FOCAD: variants seen among roughly 807,000 people sequenced by gnomAD.
FOCAD encodes the protein focadhesin, also known as KIAA1797.
A neutral mutation model predicts 225.6 loss-of-function variants in FOCAD; 198 were observed. The observed-to-expected ratio is 0.88, with a 90% CI of 0.78 to 0.99. The LOEUF is 0.99. Among genes scored for constraint, FOCAD ranks in the 50% least tolerant of loss-of-function variants. The pLI, the probability that FOCAD is intolerant of heterozygous loss-of-function variation, is 0.00. For synonymous variants in FOCAD, 897 were observed against 755.0 expected, an observed-to-expected ratio of 1.19 and a Z score of -3.08; for missense variants, 2,713 against 2,123.6, an observed-to-expected ratio of 1.28 and a Z score of -5.46.
At chr9:20,804,217 A>G (rs920567023) in intron 11 of FOCAD, among the ~76,000 whole-genome samples, 1 of 152,108 alleles carries the variant, frequency 6.6e-6, no homozygotes, top group Non-Finnish European at 1.5e-5. Context: ...TGTCTTTACC[A>G]TTAATGATAA....
In FOCAD at chr9:20,720,495, A is replaced by G. The variant is rs776606623; in HGVS notation, c.248A>G (p.Tyr83Cys). 53 of 1,613,956 alleles carry G rather than the reference A, an allele frequency of 3.3e-5. No homozygotes were observed. The highest frequency in any genetic ancestry group is 2.9e-4 in the East Asian group (13 of 44,890). ...LVAQDHAEFS[Y>C]VLNGILNLIP... is the part of the protein sequence containing the mutation. The stretch of plus-strand genomic sequence containing the variant: ...GCTCAGGATCATGCAGAGTTCAGCT[A>G]TGTTCTCAATGGGATACTCAACTTG... Residue 83 changes from tyrosine (Y) to cysteine (C), a missense_variant, in exon 4 of 44, where the codon TAT (tyrosine) becomes TGT (cysteine). Coordinates refer to ENST00000338382, the MANE Select transcript of FOCAD (RefSeq NM_001375567.1).
chr9:20,691,229 C>T (rs1446709900), intron 1 of FOCAD, among the ~76,000 whole-genome samples: 1 of 152,164 alleles, frequency 6.6e-6, no homozygotes, highest in Non-Finnish European at 1.5e-5. Context: ...AGGTGTGAGC[C>T]ATAGTGCTGG....
intron 11 of FOCAD, among the ~76,000 whole-genome samples, chr9:20,815,123 G>GTGGTTTTTTTT (rs1564024181): frequency 3.5e-5 from 3 of 85,396 alleles, no homozygotes; most frequent in African/African-American, 4.7e-5. Context: ...ACTTCTCTTT[G>GTGGTTTTTTTT]TTTTTTTTTT....
intron 35 of FOCAD, among the ~76,000 whole-genome samples, chr9:20,964,843 G>C (rs1839114713): frequency 6.6e-6 from 1 of 152,108 alleles, no homozygotes; most frequent in Admixed American, 6.5e-5. Context: ...TTTCAACAAA[G>C]TGAAAGAGTG....
intron 2 of FOCAD, among the ~76,000 whole-genome samples, chr9:20,659,502 G>A (rs1382835472): frequency 6.7e-6 from 1 of 150,046 alleles, no homozygotes. Flanking sequence ...TTTGGCCAAA[G>A]AGACACCCAG....
chr9:20,812,895 A>G (rs896554950), intron 11 of FOCAD, among the ~76,000 whole-genome samples: 1 of 152,296 alleles, frequency 6.6e-6, no homozygotes, highest in South Asian at 2.1e-4. Context: ...CATGAAATCT[A>G]CCTTAAAAAA....
At chr9:20,928,324 C>T (rs9406776) in intron 26 of FOCAD, among the ~76,000 whole-genome samples, 51,070 of 152,016 alleles carry the variant, frequency 0.34, 8,986 homozygotes, top group East Asian at 0.42. Flanking sequence ...TTTTGAGTAA[C>T]ATTATCATTA....
chr9:20,794,007 T>G (rs1312550362), intron 11 of FOCAD, among the ~76,000 whole-genome samples: 1 of 152,166 alleles, frequency 6.6e-6, no homozygotes, highest in Non-Finnish European at 1.5e-5. Flanking sequence ...CTTCAGCCCT[T>G]CCACAGTCAG....
intron 15 of FOCAD, among the ~76,000 whole-genome samples, chr9:20,836,607 A>G (rs1826014630): frequency 6.6e-6 from 1 of 152,058 alleles, no homozygotes; most frequent in Non-Finnish European, 1.5e-5. Flanking sequence ...TATATACTAC[A>G]CAATGACTCT....
At chr9:20,835,794 A>T (rs912563814) in intron 15 of FOCAD, among the ~76,000 whole-genome samples, 15 of 152,074 alleles carry the variant, frequency 9.9e-5, no homozygotes, top group Non-Finnish European at 2.1e-4. Flanking sequence ...TGTAGCAAAA[A>T]TTAATAGGCG....
chr9:20,755,670 A>T (rs1828983226), intron 5 of FOCAD, among the ~76,000 whole-genome samples: 1 of 152,166 alleles, frequency 6.6e-6, no homozygotes, highest in Admixed American at 6.5e-5. Context: ...TATAAGTGCC[A>T]CCATTATCTG....
chr9:20,757,699 G>C (rs1431862160), intron 5 of FOCAD, among the ~76,000 whole-genome samples: 1 of 152,148 alleles, frequency 6.6e-6, no homozygotes, highest in Non-Finnish European at 1.5e-5. Flanking sequence ...TACCAGGCTT[G>C]GAAAGAGAGC....
intron 2 of FOCAD, among the ~76,000 whole-genome samples, chr9:20,674,461 A>C (rs1261791818): frequency 6.6e-6 from 1 of 152,164 alleles, no homozygotes; most frequent in Non-Finnish European, 1.5e-5. Context: ...CTGTCAGCGC[A>C]CCACTGGACA....
At chr9:20,821,330 G>T (rs1387089171) in intron 14 of FOCAD, among the ~76,000 whole-genome samples, 1 of 151,914 alleles carries the variant, frequency 6.6e-6, no homozygotes, top group Non-Finnish European at 1.5e-5. Flanking sequence ...ATTTAATATT[G>T]CAGTAAAACA....
intron 35 of FOCAD, among the ~76,000 whole-genome samples, chr9:20,975,920 G>T (rs747656234): frequency 6.6e-6 from 1 of 152,080 alleles, no homozygotes; most frequent in East Asian, 1.9e-4. Context: ...AAGGAGGATG[G>T]GGCAATAATG....
intron 1 of FOCAD, among the ~76,000 whole-genome samples, chr9:20,714,392 G>T (rs1825129177): frequency 6.6e-6 from 1 of 152,074 alleles, no homozygotes; most frequent in Non-Finnish European, 1.5e-5. Flanking sequence ...TTTTCTGCTT[G>T]TTATAAGTTA....
intron 18 of FOCAD, among the ~76,000 whole-genome samples, chr9:20,869,473 G>GT (rs1476672562): frequency 1.3e-5 from 2 of 152,046 alleles, no homozygotes; most frequent in African/African-American, 4.8e-5. Context: ...ATCAATTTAT[G>GT]TTGTATAACT....
chr9:20,951,736 C>A (rs1249155892), intron 34 of FOCAD, among the ~76,000 whole-genome samples: 1 of 152,076 alleles, frequency 6.6e-6, no homozygotes, highest in African/African-American at 2.4e-5. Flanking sequence ...TTTGCAGTCC[C>A]GACATGCTTA....
chr9:20,908,876 A>G (rs917409800), intron 22 of FOCAD, among the ~76,000 whole-genome samples: 17 of 151,978 alleles, frequency 1.1e-4, no homozygotes, highest in African/African-American at 2.4e-4. Flanking sequence ...GTCCCATGCT[A>G]AGTGTGTGGG....
Sources: allele counts gnomAD v4.1 joint callset (sites outside exome capture counted in the v4.1 genomes callset), GRCh38; gene constraint gnomAD v4.1.1; transcripts MANE v1.5; gene names NCBI Gene and HGNC (gene_info 2026-07-23, HGNC 2026-07-21).